The following FGD4 variants were observed in gnomAD, a reference collection of about 807,000 sequenced individuals.
FGD4 encodes FYVE, RhoGEF and PH domain-containing protein 4.
FGD4 carries 42 observed loss-of-function variants against 102.0 expected under a neutral mutation model. The ratio of observed to expected loss-of-function variants is 0.41; its 90% CI spans 0.32 to 0.53. FGD4 has a LOEUF of 0.53. FGD4 is among the 20% of genes least tolerant of loss of function. FGD4 has a pLI of 0.21. For synonymous variants in FGD4, 380 were observed against 375.7 expected (o/e 1.01, Z -0.13); for missense variants, 902 against 1,078.2 (o/e 0.84, Z 2.29).
chr12:32,516,662 C>T lies in FGD4; in HGVS notation c.167-47475C>T, dbSNP rs184211198. 1.5e-3 allele frequency among the ~76,000 whole-genome samples: 227 copies of T among 152,310 alleles called. 3 individuals are homozygous for T. Among genetic ancestry groups the T allele is most frequent in the African/African-American group, 5.2e-3 (215 of 41,558 alleles). On this transcript the variant is annotated intron_variant, in intron 1 of 16. Transcript: ENST00000534526. ...TGTTGGCACTTTTGGCATAAACTCT[C>T]ACATTTAACATAGAATAAAGTTTTA...
Position 32,563,224 on chromosome 12 carries a change from G to A in FGD4, c.167-913G>A, listed in dbSNP as rs373165974. Among the ~76,000 whole-genome samples the A allele has an allele frequency of 7.9e-5, 12 of 151,878 alleles. No individual in the cohort carries two copies. In the East Asian group the frequency reaches 2.3e-3, roughly 30 times the overall value. On this transcript the variant is annotated intron_variant, in intron 1 of 16. Coordinates refer to ENST00000534526, the MANE Select transcript of FGD4 (RefSeq NM_001370298.3). ...CCAGAGGGGGTGGCTGCCGGGCAGAGGGGCTCCTCACTTCTCAGACGGGGC... is the reference window on the plus strand; with the variant it reads ...CCAGAGGGGGTGGCTGCCGGGCAGAAGGGCTCCTCACTTCTCAGACGGGGC...
At chr12:32,586,851 A>T (rs1190162801) in intron 4 of FGD4, among the ~76,000 whole-genome samples, 1 of 152,158 alleles carries the variant, frequency 6.6e-6, no homozygotes, top group Non-Finnish European at 1.5e-5. Context: ...TGCAATACTG[A>T]ATTGAGGGGC....
At chr12:32,494,950 GTAATGTGAGTGGAGCCAAGAGGT>G in intron 1 of FGD4, among the ~76,000 whole-genome samples, 1 of 152,196 alleles carries the variant, frequency 6.6e-6, no homozygotes, top group Admixed American at 6.5e-5. Flanking sequence ...CAGCTTGACA[GTAATGTGAGTGGAGCCAAGAGGT>G]TTTTTTGTAA....
intron 1 of FGD4, among the ~76,000 whole-genome samples, chr12:32,481,518 A>G (rs1448226645): frequency 6.6e-6 from 1 of 152,156 alleles, no homozygotes; most frequent in Non-Finnish European, 1.5e-5. Flanking sequence ...CACTAGCCAC[A>G]GATTGCTTTA....
At chr12:32,525,583 T>A (rs375944623) in intron 1 of FGD4, among the ~76,000 whole-genome samples, 2 of 152,192 alleles carry the variant, frequency 1.3e-5, no homozygotes, top group East Asian at 3.9e-4. Context: ...CATTTGAGGA[T>A]CCCTTCAGTC....
At chr12:32,466,867 C>CAAAAAA (rs35375727) in intron 1 of FGD4, among the ~76,000 whole-genome samples, 3 of 62,788 alleles carry the variant, frequency 4.8e-5, no homozygotes, top group African/African-American at 6.1e-5. Context: ...GAGTCTGTCT[C>CAAAAAA]AAAAAAAAAA....
intron 1 of FGD4, among the ~76,000 whole-genome samples, chr12:32,487,548 C>T (rs564679954): frequency 1.6e-4 from 25 of 151,994 alleles, no homozygotes; most frequent in Admixed American, 3.3e-4. Context: ...ATTGTCGTGC[C>T]TCAACCTCCC....
chr12:32,508,627 G>A (rs1939035410), intron 1 of FGD4, among the ~76,000 whole-genome samples: 1 of 152,228 alleles, frequency 6.6e-6, no homozygotes, highest in African/African-American at 2.4e-5. Flanking sequence ...CACTGCATGT[G>A]TGTTTTTTTA....
intron 1 of FGD4, among the ~76,000 whole-genome samples, chr12:32,549,508 G>T (rs1943486817): frequency 6.6e-6 from 1 of 152,136 alleles, no homozygotes; most frequent in Non-Finnish European, 1.5e-5. Flanking sequence ...CTTCTTAGAG[G>T]AAGAAGGACA....
intron 1 of FGD4, among the ~76,000 whole-genome samples, chr12:32,418,864 T>C (rs1941523626): frequency 6.6e-6 from 1 of 152,162 alleles, no homozygotes; most frequent in Non-Finnish European, 1.5e-5. Flanking sequence ...GGGATTGAAG[T>C]CAAAACCTTA....
At chr12:32,555,942 C>T (rs1944075120) in intron 1 of FGD4, among the ~76,000 whole-genome samples, 1 of 151,988 alleles carries the variant, frequency 6.6e-6, no homozygotes, top group African/African-American at 2.4e-5. Context: ...TCTCAAACTC[C>T]TGGGCTCAAG....
At chr12:32,499,938 A>G (rs1242486649) in intron 1 of FGD4, among the ~76,000 whole-genome samples, 1 of 152,248 alleles carries the variant, frequency 6.6e-6, no homozygotes, top group Non-Finnish European at 1.5e-5. Context: ...GGATTGCTTG[A>G]GCCTGAAAGG....
chr12:32,474,281 C>T lies in FGD4; in HGVS notation c.166+74322C>T, dbSNP rs577717711. ...ACTCAAAAGCAATGAAACCATAGTTCCACAGAAAACCTTGTACATGAATGT... is the reference window on the plus strand; with the variant it reads ...ACTCAAAAGCAATGAAACCATAGTTTCACAGAAAACCTTGTACATGAATGT... On this transcript the variant is annotated intron_variant, in intron 1 of 16. Transcript: ENST00000534526. 6.6e-5 allele frequency among the ~76,000 whole-genome samples: 10 copies of T among 152,200 alleles called. No individual in the cohort carries two copies. The East Asian group carries it at 1.5e-3, about 23-fold the overall frequency.
At chr12:32,495,293 C>A (rs2136594922) in intron 1 of FGD4, among the ~76,000 whole-genome samples, 1 of 152,280 alleles carries the variant, frequency 6.6e-6, no homozygotes, top group African/African-American at 2.4e-5. Context: ...GTTTGTGAAC[C>A]TATATTCACA....
chr12:32,532,038 A>G (rs951161370), intron 1 of FGD4, among the ~76,000 whole-genome samples: 1 of 152,206 alleles, frequency 6.6e-6, no homozygotes, highest in Non-Finnish European at 1.5e-5. Flanking sequence ...GTGTCCCTTT[A>G]TCCACAGGGG....
At chr12:32,472,635 G>A (rs903224567) in intron 1 of FGD4, among the ~76,000 whole-genome samples, 123 of 152,352 alleles carry the variant, frequency 8.1e-4, no homozygotes, top group African/African-American at 2.9e-3. Context: ...CCTGCTCCAC[G>A]GCGCCCAGTC....
chr12:32,628,993 T>C (rs1653340291), intron 14 of FGD4, among the ~76,000 whole-genome samples: 1 of 152,184 alleles, frequency 6.6e-6, no homozygotes, highest in African/African-American at 2.4e-5. Context: ...TAAAGAATGG[T>C]GCTTCCTGAG....
chr12:32,574,404 A>G (rs538078799), intron 2 of FGD4, among the ~76,000 whole-genome samples: 2 of 142,622 alleles, frequency 1.4e-5, no homozygotes, highest in South Asian at 4.5e-4. Flanking sequence ...TCATAATGTT[A>G]AAAGGGTTTT....
intron 7 of FGD4, among the ~76,000 whole-genome samples, chr12:32,605,310 C>A (rs1178176038): frequency 6.8e-6 from 1 of 146,368 alleles, no homozygotes; most frequent in African/African-American, 2.5e-5. Context: ...CTGCCTCATC[C>A]CCTTCACTCC....
Sources: gnomAD v4.1 joint callset for allele counts (sites outside exome capture counted in the v4.1 genomes callset) on GRCh38, gnomAD v4.1.1 for gene constraint, MANE v1.5 for transcripts, NCBI Gene and HGNC (gene_info 2026-07-23, HGNC 2026-07-21) for gene names.